The following NAA38 variants were observed in gnomAD, a reference collection of about 807,000 sequenced individuals.
The protein encoded by NAA38 is LSM domain containing 1.
In NAA38, 15 loss-of-function variants were observed where a neutral mutation model predicts 12.6. The ratio of observed to expected loss-of-function variants is 1.19; its 90% CI spans 0.79 to 1.83. The LOEUF (loss-of-function observed/expected upper bound fraction) is 1.83, where lower values mean the gene tolerates loss of function less well. Ranked by LOEUF, NAA38 falls within the 40% of genes most tolerant of loss-of-function variation. NAA38 has a pLI of 0.00. For missense variants in NAA38, 183 were observed against 171.7 expected, an observed-to-expected ratio of 1.07 and a Z score of -0.37; for synonymous variants, 88 against 69.9, an observed-to-expected ratio of 1.26 and a Z score of -1.29.
At chr17:7,877,023 T>C (rs780697638) in intron 2 of NAA38, 2 of 362,866 alleles carry the variant, frequency 5.5e-6, no homozygotes, top group South Asian at 2.1e-5. Flanking sequence ...TTACATCTAC[T>C]GATTGTACTT....
chr17:7,884,828 G>T, intron 1 of NAA38: 1 of 520,602 alleles, frequency 1.9e-6, no homozygotes, highest in Non-Finnish European at 2.9e-6. Flanking sequence ...TCTGAGGGAC[G>T]AGGAGGAGGA....
At chr17:7,882,258 C>T (rs958258635) in intron 2 of NAA38, among the ~76,000 whole-genome samples, 18 of 152,134 alleles carry the variant, frequency 1.2e-4, no homozygotes, top group African/African-American at 3.9e-4. Context: ...AGAGAGGCTG[C>T]GGCGCACATG....
chr17:7,870,036 G>A (rs897130519), intron 2 of NAA38, among the ~76,000 whole-genome samples: 2 of 152,168 alleles, frequency 1.3e-5, no homozygotes, highest in African/African-American at 4.8e-5. Context: ...AATGTCAAAT[G>A]GGAAAAAGTT....
At chr17:7,875,726 C>T (rs188112408) in intron 2 of NAA38, among the ~76,000 whole-genome samples, 1 of 152,298 alleles carries the variant, frequency 6.6e-6, no homozygotes, top group African/African-American at 2.4e-5. Flanking sequence ...ATTCACAAGG[C>T]TGTGCAACTA....
Position 7,857,216 on chromosome 17 carries a change from A to G in NAA38, c.82-18T>C, listed in dbSNP as rs1198331936. The G allele has an allele frequency of 8.1e-6, 13 of 1,612,578 alleles. No homozygotes were observed. The highest frequency in any genetic ancestry group is 1.1e-5 in the Non-Finnish European group (13 of 1,179,860). On this transcript the variant is annotated intron_variant, in intron 1 of 2. Transcript: ENST00000575771. ...TCCGAATCCTGCGCGGGGTGTAACA[A>G]GCGCTCAGACCGCGCAGCCCAGGCT...
intron 3 of NAA38, chr17:7,863,860 A>G (rs1182733420): frequency 6.6e-6 from 1 of 152,216 alleles, no homozygotes; most frequent in Non-Finnish European, 1.5e-5. Flanking sequence ...CATCTGTCTC[A>G]ATGGTCTGCC....
chr17:7,857,808 A>G (rs1322396978), upstream of NAA38: 26 of 1,326,500 alleles, frequency 2.0e-5, no homozygotes, highest in African/African-American at 2.9e-5. Context: ...TAAATATCCC[A>G]TGTAGCCCAG....
chr17:7,872,334 T>G (rs58208066), intron 2 of NAA38, among the ~76,000 whole-genome samples: 13,335 of 152,182 alleles, frequency 0.088, 1,294 homozygotes, highest in African/African-American at 0.24. Context: ...CTCTAAAAAA[T>G]TTTTTGGTCT....
chr17:7,877,704 C>CA (rs898621597), intron 2 of NAA38, among the ~76,000 whole-genome samples: 65 of 152,148 alleles, frequency 4.3e-4, no homozygotes, highest in African/African-American at 1.3e-3. Context: ...AACTCTGTGT[C>CA]AAAAAACACT....
chr17:7,857,902 T>TA, upstream of NAA38: 1 of 1,411,378 alleles, frequency 7.1e-7, no homozygotes, highest in South Asian at 1.5e-5. Flanking sequence ...ACTTGATCCT[T>TA]ATATGCCCCA....
At chr17:7,877,076 G>A in intron 2 of NAA38, 1 of 379,174 alleles carries the variant, frequency 2.6e-6, no homozygotes, top group South Asian at 1.9e-5. Flanking sequence ...GATTCATGAG[G>A]AATTATTTCT....
Position 7,857,442 on chromosome 17 carries a change from T to G in NAA38, c.22A>C (p.Met8Leu), listed in dbSNP as rs372123662. ...CAGCCATTCTCTTCTCGTAGCAGCA[T>G]GGTCGGTCCAGCTCCGGCCATTTGC... is the stretch of plus-strand genomic sequence containing the variant. MAGAGPT[M>L]LLREENGCCS... The change falls in exon 1 of 3, where the codon ATG becomes CTG. Residue 8 changes from methionine to leucine, a missense_variant. Met to Leu is a conservative substitution (Grantham distance 15, BLOSUM62 2). Transcript: ENST00000575771. 8.6e-5 allele frequency: 136 copies of G among 1,578,158 alleles called. No individual in the cohort carries two copies. The highest frequency in any genetic ancestry group is 1.1e-4 in the Non-Finnish European group (132 of 1,163,358).
chr17:7,861,526 G>A (rs536597874), upstream of NAA38: 5 of 152,298 alleles, frequency 3.3e-5, no homozygotes, highest in Admixed American at 6.5e-5. Context: ...GCAAGCCTCA[G>A]GGCCTGTCCT....
At chr17:7,878,629 G>A (rs1174032900) in intron 2 of NAA38, among the ~76,000 whole-genome samples, 1 of 152,162 alleles carries the variant, frequency 6.6e-6, no homozygotes, top group African/African-American at 2.4e-5. Context: ...GGGAGGCTGA[G>A]GCAGGAGAAT....
chr17:7,860,431 C>T (rs976331324), upstream of NAA38: 5 of 152,168 alleles, frequency 3.3e-5, no homozygotes, highest in Non-Finnish European at 5.9e-5. Flanking sequence ...AAGACAACTA[C>T]CCCATAAGGT....
At chr17:7,864,500 T>TCCCTAACCCTAACCCTAACCCTA (rs1285873737) in intron 3 of NAA38, 6 of 152,232 alleles carry the variant, frequency 3.9e-5, no homozygotes, top group African/African-American at 1.4e-4. Context: ...TCTTCCTATG[T>TCCCTAACCCTAACCCTAACCCTA]TGCCCAAGCC....
chr17:7,864,160 G>A (rs1216088141), intron 3 of NAA38: 3 of 152,150 alleles, frequency 2.0e-5, no homozygotes, highest in South Asian at 4.1e-4. Flanking sequence ...TAGAGTACAC[G>A]GTTTGGCTGT....
intron 2 of NAA38, among the ~76,000 whole-genome samples, chr17:7,875,055 T>A (rs117463640): frequency 0.023 from 3,426 of 146,902 alleles, 55 homozygotes; most frequent in Non-Finnish European, 0.031. Context: ...AACTATCCGG[T>A]TGTGGTGGTG....
intron 1 of NAA38, among the ~76,000 whole-genome samples, chr17:7,884,094 A>ACACACT (rs1226233922): frequency 4.6e-5 from 7 of 150,718 alleles, no homozygotes; most frequent in African/African-American, 1.7e-4. Context: ...ACACACACAC[A>ACACACT]CTTCAGTACA....
Sources: gnomAD v4.1 joint callset for allele counts (sites outside exome capture counted in the v4.1 genomes callset) on GRCh38, gnomAD v4.1.1 for gene constraint, MANE v1.5 for transcripts, NCBI Gene and HGNC (gene_info 2026-07-23, HGNC 2026-07-21) for gene names.